The following RASGRP4 variants were observed in gnomAD, a reference collection of about 807,000 sequenced individuals.
RASGRP4 encodes the protein RAS guanyl-releasing protein 4.
Under a neutral mutation model 84.4 loss-of-function variants are expected in RASGRP4, and 52 were observed. The observed-to-expected ratio is 0.62, with a 90% confidence interval of 0.49 to 0.78. The LOEUF (loss-of-function observed/expected upper bound fraction) is 0.78, where lower values mean the gene tolerates loss of function less well. RASGRP4 is among the 30% of genes least tolerant of loss of function. The pLI is 0.00. For missense variants in RASGRP4, 760 were observed against 886.9 expected (o/e 0.86, Z 1.82); for synonymous variants, 356 against 359.1 (o/e 0.99, Z 0.10).
chr19:38,420,773 G>T, intron 4 of RASGRP4, 135 bp downstream of exon 4: 1 of 808,510 alleles, frequency 1.2e-6, no homozygotes, highest in Non-Finnish European at 2.1e-6. Context: ...AGGTGTCTCA[G>T]AAGTGGGATT....
intron 2 of RASGRP4, among the ~76,000 whole-genome samples, chr19:38,421,560 A>G (rs1034720298): frequency 2.6e-5 from 4 of 151,842 alleles, no homozygotes; most frequent in African/African-American, 9.7e-5. Flanking sequence ...AAAAACACAA[A>G]AATTAGCTGG....
chr19:38,420,938 A>C lies in RASGRP4; in HGVS notation c.347T>G (p.Leu116Arg), dbSNP rs760717073. The C allele has an allele frequency of 3.1e-6, 5 of 1,613,856 alleles. No individual in the cohort carries two copies. Among genetic ancestry groups the C allele is most frequent in the Middle Eastern group, 1.6e-4 (1 of 6,062 alleles). The change falls in exon 4 of 17, where the codon CTG (leucine) becomes CGG (arginine). Residue 116 changes from leucine to arginine, a missense_variant. Transcript: ENST00000615439. Reference protein sequence around the residue: ...YQKATGDTQELRRLQICHLVR... With the variant: ...YQKATGDTQERRRLQICHLVR... The stretch of plus-strand genomic sequence containing the variant: ...CAGGTGACAGATCTGCAGCCGTCTC[A>C]GCTCCTGGGTGTCCCCTGTGGCCTT...
At chr19:38,422,374 G>A (rs1240495678) in intron 1 of RASGRP4, among the ~76,000 whole-genome samples, 3 of 152,156 alleles carry the variant, frequency 2.0e-5, no homozygotes, top group Admixed American at 1.3e-4. Context: ...AAACTCCCAG[G>A]GATATTCCTG....
Position 38,413,716 on chromosome 19 carries a change from A to G in RASGRP4, c.1231-242T>C, listed in dbSNP as rs1282967116. On this transcript the variant is annotated intron_variant, in intron 9 of 16. Transcript: ENST00000615439. The surrounding 1 kb of genome is among the most constrained non-coding windows in gnomAD (Gnocchi z 4.7). ...GAATGAGGTACCTGGCACACAGTCA[A>G]TGATCAATAACTGTTAGTAGCCTTT... is the stretch of plus-strand genomic sequence containing the variant. 1.3e-5 allele frequency among the ~76,000 whole-genome samples: 2 copies of G among 152,200 alleles called. No homozygotes were observed. Among genetic ancestry groups the G allele is most frequent in the Admixed American group, 1.3e-4 (2 of 15,286 alleles).
At position 38,414,842 on chromosome 19, in the gene RASGRP4, G is replaced by C. The variant is rs1397843550; in HGVS notation, c.1230+6C>G. On this transcript the variant is annotated splice_donor_region_variant and intron_variant, in intron 9 of 16. Coordinates refer to ENST00000615439, the MANE Select transcript of RASGRP4 (RefSeq NM_170604.3). ...GCCCAGCCTGGGCGGGGCCAGGGGGGCTCACCGTGAGCAGGTGCAGCAGAT... is the reference window on the plus strand; with the variant it reads ...GCCCAGCCTGGGCGGGGCCAGGGGGCCTCACCGTGAGCAGGTGCAGCAGAT... 6.3e-7 allele frequency: 1 copy of C among 1,579,476 alleles called. No individual in the cohort carries two copies.
chr19:38,421,845 G>A, intron 2 of RASGRP4, 124 bp downstream of exon 2: 2 of 678,780 alleles, frequency 2.9e-6, no homozygotes, highest in South Asian at 1.8e-5. Context: ...TATCTCTAAT[G>A]TAGTGATTGA....
chr19:38,416,457 C>CT (rs1971503982), intron 8 of RASGRP4, among the ~76,000 whole-genome samples: 1 of 109,586 alleles, frequency 9.1e-6, no homozygotes, highest in African/African-American at 4.4e-5. Context: ...GAGCGAGACT[C>CT]TGTCTCAAAA....
In RASGRP4 at chr19:38,410,072, G is replaced by A; in HGVS notation, c.1990C>T (p.Pro664Ser). 1 of 1,612,390 alleles carries A rather than the reference G, an allele frequency of 6.2e-7. No individual in the cohort carries two copies. The highest frequency in any genetic ancestry group is 1.7e-5 in the Admixed American group (1 of 59,868). The change falls in exon 17 of 17, where the codon CCA (proline) becomes TCA (serine). Residue 664 changes from proline to serine, a missense_variant. Pro to Ser is a moderately conservative substitution (Grantham distance 74). Transcript: ENST00000615439. ...TCCAGCTTGGAGGATGCAGTTGATG[G>A]TGGGTCCATCACCGGGCAGGGGACC... is the stretch of plus-strand genomic sequence containing the variant. Reference protein sequence around the residue: ...DTVPCPVMDPPSTASSKLDS With the variant: ...DTVPCPVMDPSSTASSKLDS
intron 9 of RASGRP4, among the ~76,000 whole-genome samples, chr19:38,414,508 T>C (rs1971412556): frequency 6.6e-6 from 1 of 152,078 alleles, no homozygotes; most frequent in Admixed American, 6.5e-5. Flanking sequence ...GTATTTTTAG[T>C]AGAGACGGGG....
intron 6 of RASGRP4, among the ~76,000 whole-genome samples, chr19:38,419,158 A>G (rs777340982): frequency 3.9e-5 from 6 of 152,226 alleles, no homozygotes; most frequent in Non-Finnish European, 7.3e-5. Context: ...GATGATGTCC[A>G]GATGGCAAAA....
Position 38,410,897 on chromosome 19 carries a change from C to T in RASGRP4, c.1954G>A (p.Glu652Lys), listed in dbSNP as rs1219386963. Residue 652 changes from glutamate (E) to lysine (K), a missense_variant, in exon 16 of 17, where the codon GAA (glutamate) becomes AAA (lysine). Transcript: ENST00000615439. The part of the protein sequence containing the change: ...TQTESPHPSW[E>K]TDTVPCPVMD... Reference sequence around the variant, plus strand: ...CGGTTTCTCCTCACCGTATCTGTTTCCCAGGAAGGGTGTGGGGATTCAGTC... The same window carrying T: ...CGGTTTCTCCTCACCGTATCTGTTTTCCAGGAAGGGTGTGGGGATTCAGTC... 3 of 1,596,456 alleles carry T rather than the reference C, an allele frequency of 1.9e-6. No individual in the cohort carries two copies. In the Admixed American group the frequency reaches 5.3e-5, roughly 28 times the overall value.
Position 38,413,468 on chromosome 19 carries a change from G to T in RASGRP4, c.1237C>A (p.Leu413Met). The T allele has an allele frequency of 6.3e-7, 1 of 1,595,246 alleles. No individual in the cohort carries two copies. Among genetic ancestry groups the T allele is most frequent in the East Asian group, 2.3e-5 (1 of 43,924 alleles). The change falls in exon 10 of 17, where the codon CTG becomes ATG. Residue 413 changes from leucine (L) to methionine (M), a missense_variant. Leu to Met is a conservative substitution (Grantham distance 15, BLOSUM62 2). Coordinates refer to ENST00000615439, the MANE Select transcript of RASGRP4 (RefSeq NM_170604.3). The surrounding 1 kb of genome is among the most constrained non-coding windows in gnomAD (Gnocchi z 4.7). ...EDLLHLLTLS[L>M]DLFYTEDEIY... is the part of the protein sequence containing the mutation. ...TCGTCTTCCGTGTAGAAGAGGTCCA[G>T]GGAGAGCTGGAGCAGACAGGGGTGT...
chr19:38,409,116 C>A lies in RASGRP4; in HGVS notation c.*924G>T, dbSNP rs976876731. 11 of 378,882 alleles carry A rather than the reference C, an allele frequency of 2.9e-5. No homozygotes were observed. The highest frequency in any genetic ancestry group is 4.6e-5 in the Non-Finnish European group (10 of 218,274). The allele number at this position is 378,882 out of a possible 1,614,324, so 23.5% of individuals were successfully genotyped here. A position where few individuals can be genotyped will look rare whatever the true frequency, so the allele number is the denominator to read the frequency against. On this transcript the variant is annotated 3_prime_UTR_variant, in exon 17 of 17. Coordinates refer to ENST00000615439, the MANE Select transcript of RASGRP4 (RefSeq NM_170604.3). ...GGACCTCTCTCTGTGGGGGCCAAGT[C>A]AGGGGTGTTGGGGTTTGTGAAGGGG...
At position 38,410,048 on chromosome 19, in the gene RASGRP4, C is replaced by T. The variant is rs530924409; in HGVS notation, c.2014G>A (p.Asp672Asn). ...AGGAGACCAAGAGATGTCTAGGAATCCAGCTTGGAGGATGCAGTTGATGGT... is the reference window on the plus strand; with the variant it reads ...AGGAGACCAAGAGATGTCTAGGAATTCAGCTTGGAGGATGCAGTTGATGGT... ...DPPSTASSKL[D>N]S The change falls in exon 17 of 17, where the codon GAT becomes AAT. Residue 672 changes from aspartate (D) to asparagine (N), a missense_variant. Physicochemically the swap from Asp to Asn is conservative, Grantham distance 23. Coordinates refer to ENST00000615439, the MANE Select transcript of RASGRP4 (RefSeq NM_170604.3). The T allele has an allele frequency of 1.2e-6, 2 of 1,611,624 alleles. No homozygotes were observed. The highest frequency in any genetic ancestry group is 2.7e-5 in the African/African-American group (2 of 74,792).
At chr19:38,420,498 G>A (rs527784265) in intron 4 of RASGRP4, among the ~76,000 whole-genome samples, 499 of 151,828 alleles carry the variant, frequency 3.3e-3, no homozygotes, top group Non-Finnish European at 4.5e-3. Flanking sequence ...GGAGTCACTT[G>A]GAAGTGGGAT....
intron 14 of RASGRP4, 36 bp downstream of exon 14, chr19:38,411,309 C>T (rs1179669527): frequency 1.2e-6 from 2 of 1,610,606 alleles, no homozygotes; most frequent in Non-Finnish European, 1.7e-6. Context: ...GCCTGCGGGC[C>T]AAGGCTTCCC....
rs777214167 is a variant in RASGRP4, at chr19:38,413,451, C to T, written c.1254G>A (p.Thr418=). The T allele has an allele frequency of 2.1e-5, 33 of 1,601,500 alleles. No individual in the cohort carries two copies. Among genetic ancestry groups the T allele is most frequent in the East Asian group, 4.5e-5 (2 of 44,310 alleles). ...AAGAAAGCTCATAGATCTCGTCTTC[C>T]GTGTAGAAGAGGTCCAGGGAGAGCT... ...LLTLSLDLFY[T]EDEIYELSYA... Residue 418 remains threonine, a synonymous_variant, in exon 10 of 17, where the codon ACG becomes ACA. Transcript: ENST00000615439. The surrounding 1 kb of genome is among the most constrained non-coding windows in gnomAD (Gnocchi z 4.7).
chr19:38,418,938 C>G lies in RASGRP4; in HGVS notation c.664-374G>C, dbSNP rs1355445248. On this transcript the variant is annotated intron_variant, in intron 6 of 16. Transcript: ENST00000615439. This position sits in a 1 kb window ranked among gnomAD's most constrained non-coding sequence, Gnocchi z 4.6. Reference sequence around the variant, plus strand: ...AGGGTGGGCGTCTATATGCTCTTAACTGTACACCTGACTGGTATACAGTAA... The same window carrying G: ...AGGGTGGGCGTCTATATGCTCTTAAGTGTACACCTGACTGGTATACAGTAA... Among the ~76,000 whole-genome samples, 1 of 152,268 alleles carries G rather than the reference C, an allele frequency of 6.6e-6. No homozygotes were observed. Among genetic ancestry groups the G allele is most frequent in the African/African-American group, 2.4e-5 (1 of 41,536 alleles).
At chr19:38,421,325 G>T in intron 2 of RASGRP4, 125 bp from the exon 3 acceptor site, 1 of 695,196 alleles carries the variant, frequency 1.4e-6, no homozygotes, top group Non-Finnish European at 2.5e-6. Flanking sequence ...GCATGACCTT[G>T]GACAGGCAAC....
Sources: gnomAD v4.1 joint callset for allele counts (sites outside exome capture counted in the v4.1 genomes callset) on GRCh38, gnomAD v4.1.1 for gene constraint, Gnocchi (gnomAD v3.1) non-coding constraint, MANE v1.5 for transcripts, NCBI Gene and HGNC (gene_info 2026-07-23, HGNC 2026-07-21) for gene names.